RBFOX1: variants seen among roughly 807,000 people sequenced by gnomAD.
RBFOX1 encodes RNA binding protein fox-1 homolog 1.
A neutral mutation model predicts 57.7 loss-of-function variants in RBFOX1; 8 were observed. The observed-to-expected ratio is 0.14, with a 90% CI of 0.08 to 0.25. The LOEUF is 0.25. Among genes scored for constraint, RBFOX1 ranks in the 10% least tolerant of loss-of-function variants. The pLI is 1.00. For synonymous variants in RBFOX1, 326 were observed against 222.4 expected (o/e 1.47, Z -4.15); for missense variants, 611 against 548.5 (o/e 1.11, Z -1.14).
At chr16:5,780,396 T>C (rs2054287768) in intron 3 of RBFOX1, among the ~76,000 whole-genome samples, 2 of 152,230 alleles carry the variant, frequency 1.3e-5, no homozygotes, top group Admixed American at 1.3e-4. Context: ...ATTTTATTCA[T>C]TGGTTCATCC....
At chr16:5,742,472 C>A (rs902737891) in intron 3 of RBFOX1, among the ~76,000 whole-genome samples, 14 of 152,138 alleles carry the variant, frequency 9.2e-5, no homozygotes, top group African/African-American at 3.4e-4. Context: ...TATATTCTTA[C>A]TTCTGAAGGA....
intron 4 of RBFOX1, among the ~76,000 whole-genome samples, chr16:7,281,191 TG>T (rs998475823): frequency 6.6e-6 from 1 of 151,820 alleles, no homozygotes; most frequent in Non-Finnish European, 1.5e-5. Flanking sequence ...TTAGTAGAGA[TG>T]GGGCTTCACT....
chr16:5,628,983 CTG>C (rs2048423524), intron 3 of RBFOX1, among the ~76,000 whole-genome samples: 2 of 152,186 alleles, frequency 1.3e-5, no homozygotes, highest in Non-Finnish European at 2.9e-5. Context: ...ACAGAGTAAA[CTG>C]TGAGTGCGAT....
chr16:6,752,829 T>C (rs2075170603), intron 3 of RBFOX1, among the ~76,000 whole-genome samples: 1 of 151,680 alleles, frequency 6.6e-6, no homozygotes, highest in African/African-American at 2.4e-5. Context: ...TTTTTTTTTT[T>C]TAGCAGGGTT....
At chr16:7,235,580 G>A (rs548069529) in intron 4 of RBFOX1, among the ~76,000 whole-genome samples, 1 of 152,172 alleles carries the variant, frequency 6.6e-6, no homozygotes, top group African/African-American at 2.4e-5. Flanking sequence ...AAAGGCAGTG[G>A]CTGCGTTTGC....
intron 3 of RBFOX1, among the ~76,000 whole-genome samples, chr16:6,694,007 G>A (rs758066682): frequency 6.6e-6 from 1 of 152,186 alleles, no homozygotes; most frequent in South Asian, 2.1e-4. Context: ...TTTGTTACAA[G>A]TTTAGTTTTC....
chr16:6,723,866 T>G (rs1015807814), intron 3 of RBFOX1: 4 of 152,146 alleles, frequency 2.6e-5, no homozygotes, highest in Non-Finnish European at 4.4e-5. Context: ...CACCATTGTT[T>G]CCAGCTCCAC....
At chr16:6,330,175 A>G (rs554703234) in intron 2 of RBFOX1, among the ~76,000 whole-genome samples, 2 of 152,328 alleles carry the variant, frequency 1.3e-5, no homozygotes, top group South Asian at 2.1e-4. Context: ...TAAAAAAGTC[A>G]TAAGGATAGG....
At chr16:6,599,422 T>C (rs2097820784) in intron 2 of RBFOX1, among the ~76,000 whole-genome samples, 2 of 152,164 alleles carry the variant, frequency 1.3e-5, no homozygotes, top group Non-Finnish European at 2.9e-5. Flanking sequence ...ATACACCATC[T>C]ATCTCAGAAT....
chr16:7,605,999 G>C (rs2095270220), intron 9 of RBFOX1, among the ~76,000 whole-genome samples: 5 of 151,958 alleles, frequency 3.3e-5, no homozygotes. Context: ...GTAGAGTCAA[G>C]GTTTCGCCAT....
Position 7,367,743 on chromosome 16 carries a change from A to G in RBFOX1, c.28-150404A>G, listed in dbSNP as rs374432305. Among the ~76,000 whole-genome samples the G allele has an allele frequency of 1.8e-4, 28 of 152,334 alleles. 1 individual carries two copies. The highest frequency in any genetic ancestry group is 3.3e-4 in the Admixed American group (5 of 15,304). On this transcript the variant is annotated intron_variant, in intron 4 of 15. Transcript: ENST00000550418. ...TCCTTAGCTGCAGTCATTTTTTTCA[A>G]TGCAATAGTGCAGGCTCTGCGTTGT...
At chr16:6,872,495 T>C (rs1428338165) in intron 3 of RBFOX1, among the ~76,000 whole-genome samples, 3 of 152,226 alleles carry the variant, frequency 2.0e-5, no homozygotes, top group Admixed American at 2.0e-4. Context: ...GGTTTCAGGC[T>C]TCCCTGAATT....
chr16:7,210,770 C>A (rs1323712715), intron 4 of RBFOX1, among the ~76,000 whole-genome samples: 1 of 151,946 alleles, frequency 6.6e-6, no homozygotes, highest in East Asian at 1.9e-4. Context: ...ATGACATGTC[C>A]AAGGTCACAC....
At position 7,583,246 on chromosome 16, in the gene RBFOX1, C is replaced by T. The variant is rs539742440; in HGVS notation, c.414+3326C>T. 9.2e-5 allele frequency among the ~76,000 whole-genome samples: 14 copies of T among 151,468 alleles called. No homozygotes were observed. The South Asian group carries it at 1.0e-3, about 11-fold the overall frequency. ...AGAAGCCATCGTCTTTTAAAAATACCGGTTGAGGTTCAAGGGAATGGATCT... is the reference window on the plus strand; with the variant it reads ...AGAAGCCATCGTCTTTTAAAAATACTGGTTGAGGTTCAAGGGAATGGATCT... On this transcript the variant is annotated intron_variant, in intron 6 of 15. Coordinates refer to ENST00000550418, the MANE Select transcript of RBFOX1 (RefSeq NM_018723.4).
intron 3 of RBFOX1, among the ~76,000 whole-genome samples, chr16:7,043,340 A>G (rs1040394891): frequency 6.6e-6 from 1 of 152,126 alleles, no homozygotes; most frequent in African/African-American, 2.4e-5. Flanking sequence ...TCTTTTTTAA[A>G]TAAAATGTAC....
At chr16:5,267,597 C>T (rs201021164) in intron 1 of RBFOX1, among the ~76,000 whole-genome samples, 6 of 152,124 alleles carry the variant, frequency 3.9e-5, no homozygotes, top group South Asian at 4.2e-4. Flanking sequence ...TGTGCCTGGG[C>T]CCACACATAA....
chr16:6,542,379 G>T (rs527514508), intron 2 of RBFOX1, among the ~76,000 whole-genome samples: 1 of 151,486 alleles, frequency 6.6e-6, no homozygotes, highest in East Asian at 1.9e-4. Flanking sequence ...GTGTACTGGA[G>T]GGTTTTACCC....
At chr16:5,458,896 T>G (rs1345291793) in intron 1 of RBFOX1, among the ~76,000 whole-genome samples, 1 of 152,208 alleles carries the variant, frequency 6.6e-6, no homozygotes, top group African/African-American at 2.4e-5. Flanking sequence ...ATCCCTCTGC[T>G]AATGGATCTC....
At chr16:6,135,785 CTTTTT>C (rs35563303) in intron 1 of RBFOX1, among the ~76,000 whole-genome samples, 284 of 85,012 alleles carry the variant, frequency 3.3e-3, no homozygotes, top group African/African-American at 0.014. Flanking sequence ...CTCGTTTCGA[CTTTTT>C]TTTTTTTTTT....
Sources: gnomAD v4.1 joint callset for allele counts (sites outside exome capture counted in the v4.1 genomes callset) on GRCh38, gnomAD v4.1.1 for gene constraint, MANE v1.5 for transcripts, NCBI Gene and HGNC (gene_info 2026-07-23, HGNC 2026-07-21) for gene names.